SV2C: variants seen among roughly 807,000 people sequenced by gnomAD.
The protein encoded by SV2C is solute carrier family 22 member B3.
SV2C carries 49 observed loss-of-function variants against 79.7 expected under a neutral mutation model. That is an observed-to-expected ratio of 0.61 (90% CI 0.49 to 0.78). The LOEUF is 0.78. Ranked by LOEUF, SV2C falls within the 30% of genes least tolerant of loss-of-function variation. SV2C has a pLI of 0.00. For synonymous variants in SV2C, 334 were observed against 333.2 expected, an observed-to-expected ratio of 1.00 and a Z score of -0.03; for missense variants, 833 against 912.9, an observed-to-expected ratio of 0.91 and a Z score of 1.13.
chr5:75,902,701 C>T, the SV2C span, among the ~76,000 whole-genome samples: 1 of 138,826 alleles, frequency 7.2e-6, no homozygotes. Context: ...TCTTCCCTTC[C>T]CTTTGGACTC....
chr5:75,966,312 G>T, the SV2C span, among the ~76,000 whole-genome samples: 1 of 152,250 alleles, frequency 6.6e-6, no homozygotes, highest in East Asian at 1.9e-4. Flanking sequence ...GTAAACCAAA[G>T]CTTTGTGCAG....
the SV2C span, among the ~76,000 whole-genome samples, chr5:75,983,000 G>A: frequency 1.3e-5 from 2 of 152,048 alleles, no homozygotes; most frequent in African/African-American, 4.8e-5. Flanking sequence ...AGAAGATTAG[G>A]AAAAATAACC....
chr5:75,864,499 T>C, the SV2C span, among the ~76,000 whole-genome samples: 1 of 152,172 alleles, frequency 6.6e-6, no homozygotes, highest in Non-Finnish European at 1.5e-5. Flanking sequence ...ACTTGTTACA[T>C]CTGTTATACT....
the SV2C span, among the ~76,000 whole-genome samples, chr5:75,985,119 C>A: frequency 4.0e-5 from 6 of 151,648 alleles, no homozygotes; most frequent in Non-Finnish European, 2.9e-5. Context: ...CTCATGAAGG[C>A]AAGCAGAAGA....
intron 2 of SV2C, among the ~76,000 whole-genome samples, chr5:76,164,280 T>A (rs1742978714): frequency 6.6e-6 from 1 of 152,232 alleles, no homozygotes; most frequent in South Asian, 2.1e-4. Flanking sequence ...TTGATACCTT[T>A]CAGAAGCTTA....
intron 4 of SV2C, among the ~76,000 whole-genome samples, chr5:76,279,920 T>C (rs1446786547): frequency 3.3e-5 from 5 of 152,046 alleles, no homozygotes; most frequent in Admixed American, 3.3e-4. Flanking sequence ...CCACCGCCCA[T>C]GTGAGCAGGG....
intron 4 of SV2C, among the ~76,000 whole-genome samples, chr5:76,253,582 C>A (rs1183513912): frequency 3.3e-5 from 5 of 152,010 alleles, no homozygotes; most frequent in Admixed American, 1.3e-4. Context: ...GAAATGGTTT[C>A]TCAGAATTCT....
chr5:76,192,693 T>C (rs1744141223), intron 2 of SV2C, among the ~76,000 whole-genome samples: 1 of 152,248 alleles, frequency 6.6e-6, no homozygotes, highest in Non-Finnish European at 1.5e-5. Flanking sequence ...ATGAACCTTC[T>C]AATTGTGCTG....
the SV2C span, among the ~76,000 whole-genome samples, chr5:75,956,356 T>C: frequency 7.9e-6 from 1 of 126,776 alleles, no homozygotes; most frequent in Non-Finnish European, 1.6e-5. Context: ...TGAGAACACA[T>C]GGACACAGGA....
upstream of SV2C, among the ~76,000 whole-genome samples, chr5:76,082,634 AC>A (rs70979367): frequency 0.33 from 36,587 of 111,316 alleles, 4,926 homozygotes; most frequent in East Asian, 0.64. Flanking sequence ...CTCTCTCTCC[AC>A]CCCCCCCCCC....
At chr5:75,995,216 A>G in the SV2C span, among the ~76,000 whole-genome samples, 1 of 152,094 alleles carries the variant, frequency 6.6e-6, no homozygotes, top group Non-Finnish European at 1.5e-5. Flanking sequence ...ATACTTAGAA[A>G]CAATATTGAC....
At chr5:75,986,124 C>T in the SV2C span, among the ~76,000 whole-genome samples, 3 of 149,026 alleles carry the variant, frequency 2.0e-5, no homozygotes, top group Non-Finnish European at 4.5e-5. Context: ...CAACCGACTT[C>T]AGTATGTAAA....
At chr5:75,967,459 G>A in the SV2C span, among the ~76,000 whole-genome samples, 4 of 152,108 alleles carry the variant, frequency 2.6e-5, no homozygotes, top group African/African-American at 9.7e-5. Flanking sequence ...TGGAAAATCG[G>A]GTCACTCTCA....
chr5:76,294,551 C>T (rs1460296288), intron 8 of SV2C, among the ~76,000 whole-genome samples: 2 of 152,122 alleles, frequency 1.3e-5, no homozygotes, highest in Non-Finnish European at 2.9e-5. Context: ...CTGCCTGCCT[C>T]GGCCTCCCAA....
the SV2C span, among the ~76,000 whole-genome samples, chr5:75,963,320 G>A: frequency 1.3e-5 from 2 of 152,150 alleles, no homozygotes; most frequent in Admixed American, 6.5e-5. Flanking sequence ...CACTCACAAC[G>A]AATTCCTTAG....
the SV2C span, among the ~76,000 whole-genome samples, chr5:75,890,107 A>G: frequency 6.6e-6 from 1 of 152,150 alleles, no homozygotes; most frequent in Non-Finnish European, 1.5e-5. Context: ...TGCTATTTTC[A>G]ATGCATTATA....
chr5:76,233,665 GT>G (rs748228441), intron 4 of SV2C, among the ~76,000 whole-genome samples: 4 of 151,390 alleles, frequency 2.6e-5, no homozygotes, highest in Non-Finnish European at 4.4e-5. Context: ...GTTGAATTTT[GT>G]CAAAGGCCTC....
intron 4 of SV2C, among the ~76,000 whole-genome samples, chr5:76,267,808 A>G (rs1393605708): frequency 6.6e-6 from 1 of 152,246 alleles, no homozygotes; most frequent in East Asian, 1.9e-4. Flanking sequence ...TAAGCAAAGG[A>G]AAGAGCCTGG....
At position 76,231,963 on chromosome 5, in the gene SV2C, T is replaced by G. The variant is rs958308366; in HGVS notation, c.913+22076T>G. 2.1e-5 allele frequency among the ~76,000 whole-genome samples: 3 copies of G among 144,018 alleles called. 1 individual carries two copies. Among genetic ancestry groups the G allele is most frequent in the African/African-American group, 8.9e-5 (3 of 33,652 alleles). 94.5% of individuals were successfully genotyped at this position (144,018 alleles called of 152,430 possible). On this transcript the variant is annotated intron_variant, in intron 4 of 12. Transcript: ENST00000502798. ...TTTGGGTATATACCAAGTAATGGGA[T>G]GGCTGAGTCAAATGGTATTTCCAGT...
Sources: gnomAD v4.1 joint callset for allele counts (sites outside exome capture counted in the v4.1 genomes callset) on GRCh38, gnomAD v4.1.1 for gene constraint, MANE v1.5 for transcripts, NCBI Gene and HGNC (gene_info 2026-07-23, HGNC 2026-07-21) for gene names.